Variants in TMEM164 observed in about 807,000 individuals in gnomAD.
TMEM164 encodes RP13-360B22.2.
In TMEM164, 4 loss-of-function variants were observed where a neutral mutation model predicts 18.8. That is an observed-to-expected ratio of 0.21 (90% CI 0.10 to 0.49). The LOEUF is 0.49. Among genes scored for constraint, TMEM164 ranks in the 20% least tolerant of loss-of-function variants. The pLI, the probability that TMEM164 is intolerant of heterozygous loss-of-function variation, is 0.98. For synonymous variants in TMEM164, 86 were observed against 101.7 expected (o/e 0.85, Z 0.93); for missense variants, 108 against 239.9 (o/e 0.45, Z 3.63).
Position 110,153,064 on chromosome X carries a change from TG to T in TMEM164, c.586+8189del, listed in dbSNP as rs1270174031. Reference sequence around the variant, plus strand: ...ATTTTATCCAATTTTCATGCCTCTGTGCCTTTGAAAATGCTGTGATTTCTGC... The same window carrying T: ...ATTTTATCCAATTTTCATGCCTCTGTCCTTTGAAAATGCTGTGATTTCTGC... On this transcript the variant is annotated intron_variant, in intron 5 of 6. Coordinates refer to ENST00000372068, the MANE Select transcript of TMEM164 (RefSeq NM_032227.4). 2.7e-5 allele frequency among the ~76,000 whole-genome samples: 3 copies of T among 111,974 alleles called. No homozygotes were observed. The East Asian group carries it at 8.4e-4, about 31-fold the overall frequency.
At chrX:110,102,315 G>A (rs748144207) in intron 3 of TMEM164, among the ~76,000 whole-genome samples, 6 of 111,123 alleles carry the variant, frequency 5.4e-5, no homozygotes, top group Non-Finnish European at 1.1e-4. Flanking sequence ...CTGCACTCCC[G>A]TCCTCCAGCC....
chrX:110,091,825 G>C (rs1440542573), intron 3 of TMEM164, among the ~76,000 whole-genome samples: 2 of 111,897 alleles, frequency 1.8e-5, no homozygotes, highest in Admixed American at 9.5e-5. Flanking sequence ...TTTCTTCTAG[G>C]GTTTTTATGG....
intron 2 of TMEM164, among the ~76,000 whole-genome samples, chrX:110,032,933 AC>A (rs1400439086): frequency 1.8e-5 from 2 of 112,448 alleles, no homozygotes; most frequent in African/African-American, 6.5e-5. Flanking sequence ...GCCGGCTAAA[AC>A]AAAGCATGTA....
intron 2 of TMEM164, 53 bp downstream of exon 2, chrX:110,004,217 T>A: frequency 8.8e-7 from 1 of 1,137,555 alleles, no homozygotes; most frequent in Non-Finnish European, 1.2e-6. Flanking sequence ...GTCATTTATG[T>A]GCTCAGGACA....
downstream of TMEM164, among the ~76,000 whole-genome samples, chrX:110,178,194 G>A (rs1352350773): frequency 3.6e-5 from 4 of 112,488 alleles, no homozygotes; most frequent in Admixed American, 9.4e-5. Context: ...GTCGGACCAT[G>A]AACAAGATAG....
rs1449622812 is a variant in TMEM164, at chrX:110,003,660, G to A, written c.-115G>A. 1 of 856,260 alleles carries A rather than the reference G, an allele frequency of 1.2e-6. No individual in the cohort carries two copies. Among genetic ancestry groups the A allele is most frequent in the Non-Finnish European group, 1.6e-6 (1 of 618,742 alleles). 70.6% of individuals were successfully genotyped at this position (856,260 alleles called of 1,213,427 possible). A position where few individuals can be genotyped will look rare whatever the true frequency, so the allele number is the denominator to read the frequency against. On this transcript the variant is annotated 5_prime_UTR_variant, in exon 2 of 7. Coordinates refer to ENST00000372068, the MANE Select transcript of TMEM164 (RefSeq NM_032227.4). ...TACTCTCGGTGCCCTGGTGTCTGGA[G>A]GGGGGTTGTGGGGGTGTGCCCGCCT...
At chrX:110,077,666 T>G (rs1276024878) in intron 3 of TMEM164, among the ~76,000 whole-genome samples, 1 of 112,061 alleles carries the variant, frequency 8.9e-6, no homozygotes, top group Non-Finnish European at 1.9e-5. Context: ...ACGAGTTCCC[T>G]TAGCATTTGC....
At chrX:110,157,297 A>G (rs767084302) in intron 5 of TMEM164, among the ~76,000 whole-genome samples, 2 of 111,969 alleles carry the variant, frequency 1.8e-5, no homozygotes, top group East Asian at 5.6e-4. Context: ...CCAAAGTGGT[A>G]TTAGCCAAGC....
chrX:110,167,164 A>T (rs1190312301), intron 5 of TMEM164, among the ~76,000 whole-genome samples: 1 of 111,778 alleles, frequency 8.9e-6, no homozygotes, highest in Non-Finnish European at 1.9e-5. Context: ...AAATAGCAGC[A>T]GCCATCTGCA....
chrX:110,094,388 T>C (rs1204401536), intron 3 of TMEM164, among the ~76,000 whole-genome samples: 2 of 112,205 alleles, frequency 1.8e-5, no homozygotes, highest in African/African-American at 3.2e-5. Flanking sequence ...TGCATATATA[T>C]TTAGAATGGT....
chrX:110,091,812 G>A (rs1373822056), intron 3 of TMEM164, among the ~76,000 whole-genome samples: 2 of 112,030 alleles, frequency 1.8e-5, no homozygotes, highest in African/African-American at 6.5e-5. Context: ...CTATTGCCTA[G>A]GTTTTCTTCT....
At chrX:110,020,789 G>A (rs1933771032) in intron 2 of TMEM164, 1 of 530,770 alleles carries the variant, frequency 1.9e-6, no homozygotes, top group Non-Finnish European at 2.3e-6. Context: ...CATCAGTGTT[G>A]GTGGATACAG....
intron 2 of TMEM164, among the ~76,000 whole-genome samples, chrX:110,048,889 T>C (rs1001347230): frequency 9.0e-5 from 10 of 111,542 alleles, no homozygotes; most frequent in African/African-American, 3.3e-4. Context: ...AATTTAGACA[T>C]AAGAGATGGC....
intron 6 of TMEM164, among the ~76,000 whole-genome samples, chrX:110,172,820 G>C (rs1372809997): frequency 1.8e-5 from 2 of 112,102 alleles, no homozygotes; most frequent in Non-Finnish European, 3.8e-5. Flanking sequence ...AAAGCTGGGT[G>C]AGCCCTGTCT....
At chrX:110,028,618 A>T (rs1183669312) in intron 2 of TMEM164, among the ~76,000 whole-genome samples, 1 of 112,192 alleles carries the variant, frequency 8.9e-6, no homozygotes, top group Non-Finnish European at 1.9e-5. Flanking sequence ...GTTTAGAAGG[A>T]TTAACAGTTT....
chrX:110,084,505 G>T (rs1288188511), intron 3 of TMEM164, among the ~76,000 whole-genome samples: 2 of 92,121 alleles, frequency 2.2e-5, no homozygotes, highest in African/African-American at 4.0e-5. Flanking sequence ...GAGAGACATG[G>T]TGGTGCATGC....
intron 2 of TMEM164, among the ~76,000 whole-genome samples, chrX:110,008,569 C>T (rs1270568382): frequency 9.0e-6 from 1 of 111,075 alleles, no homozygotes; most frequent in Non-Finnish European, 1.9e-5. Context: ...TTTGTTTCTC[C>T]CCCCAAGGAA....
chrX:110,113,228 C>T (rs73636945), intron 4 of TMEM164, among the ~76,000 whole-genome samples: 4,716 of 112,431 alleles, frequency 0.042, 228 homozygotes, highest in African/African-American at 0.14. Context: ...CTAGTGATTC[C>T]AGCCAATCTG....
downstream of TMEM164, among the ~76,000 whole-genome samples, chrX:110,180,953 A>G (rs921424983): frequency 8.9e-6 from 1 of 111,809 alleles, no homozygotes; most frequent in African/African-American, 3.3e-5. Flanking sequence ...TTGCATTTTT[A>G]GAAAGACCTT....
Sources: gnomAD v4.1 joint callset for allele counts (sites outside exome capture counted in the v4.1 genomes callset) on GRCh38, gnomAD v4.1.1 for gene constraint, MANE v1.5 for transcripts, NCBI Gene and HGNC (gene_info 2026-07-23, HGNC 2026-07-21) for gene names.